EYA2: variants seen among roughly 807,000 people sequenced by gnomAD.
The protein encoded by EYA2 is EYA transcriptional coactivator and phosphatase 2, also known as protein phosphatase EYA2.
EYA2 carries 31 observed loss-of-function variants against 69.2 expected under a neutral mutation model. The observed-to-expected ratio is 0.45, with a 90% CI of 0.34 to 0.60. EYA2 has a LOEUF of 0.60. Among genes scored for constraint, EYA2 ranks in the 20% least tolerant of loss-of-function variants. The pLI is 0.02. For synonymous variants in EYA2, 257 were observed against 279.4 expected, an observed-to-expected ratio of 0.92 and a Z score of 0.80; for missense variants, 622 against 701.2, an observed-to-expected ratio of 0.89 and a Z score of 1.28.
chr20:47,042,448 A>G (rs769343996), intron 5 of EYA2, among the ~76,000 whole-genome samples: 7 of 152,210 alleles, frequency 4.6e-5, no homozygotes, highest in Non-Finnish European at 1.0e-4. Context: ...TGGTAGAAAG[A>G]GCCAAACTGG....
chr20:47,083,416 A>T (rs910619888), intron 7 of EYA2, among the ~76,000 whole-genome samples: 8 of 151,922 alleles, frequency 5.3e-5, no homozygotes, highest in Non-Finnish European at 7.4e-5. Context: ...GTCTCTACTA[A>T]ATATACAAAA....
intron 1 of EYA2, among the ~76,000 whole-genome samples, chr20:46,975,191 G>A (rs1166430473): frequency 2.0e-5 from 3 of 152,188 alleles, no homozygotes; most frequent in Non-Finnish European, 4.4e-5. Context: ...GTTACGCAGA[G>A]CTGCATGTGT....
At chr20:47,008,649 C>G (rs1361239285) in intron 4 of EYA2, among the ~76,000 whole-genome samples, 1 of 152,216 alleles carries the variant, frequency 6.6e-6, no homozygotes, top group African/African-American at 2.4e-5. Flanking sequence ...ATTTTACTGT[C>G]TCAGTTACTT....
rs140580503 is a variant in EYA2, at chr20:47,084,181, G to A, written c.662-5058G>A. On this transcript the variant is annotated intron_variant, in intron 7 of 15. Transcript: ENST00000327619. ...GAATCGCTTGAACCCAGGAGGCGGA[G>A]GTTGCAGGGAGCCAGAATTGCGCCA... Among the ~76,000 whole-genome samples, 1,272 of 152,240 alleles carry A rather than the reference G, an allele frequency of 8.4e-3. 13 individuals are homozygous for A. Among genetic ancestry groups the A allele is most frequent in the Non-Finnish European group, 0.012 (847 of 68,030 alleles).
chr20:47,149,226 C>G (rs1413629312), intron 10 of EYA2, among the ~76,000 whole-genome samples: 1 of 151,992 alleles, frequency 6.6e-6, no homozygotes. Context: ...AGCAAGGGGA[C>G]ATTTAGTTCG....
chr20:47,106,766 T>C (rs1405270865), intron 9 of EYA2, among the ~76,000 whole-genome samples: 1 of 152,066 alleles, frequency 6.6e-6, no homozygotes, highest in Non-Finnish European at 1.5e-5. Context: ...CTTCAGTTGT[T>C]GGAAGTCAGG....
intron 1 of EYA2, among the ~76,000 whole-genome samples, chr20:46,962,593 C>G (rs538617604): frequency 1.8e-4 from 27 of 152,176 alleles, no homozygotes; most frequent in South Asian, 4.1e-4. Context: ...TAATCCCTGA[C>G]AAAACCTGGT....
intron 1 of EYA2, among the ~76,000 whole-genome samples, chr20:46,936,388 T>A (rs1985910186): frequency 3.9e-5 from 6 of 152,148 alleles, no homozygotes; most frequent in African/African-American, 1.4e-4. Flanking sequence ...GGAAAATCGC[T>A]TGAACCCGGG....
At chr20:46,907,835 A>AAAAC (rs60032049) in intron 1 of EYA2, among the ~76,000 whole-genome samples, 56,773 of 150,316 alleles carry the variant, frequency 0.38, 11,269 homozygotes, top group Admixed American at 0.53. Context: ...ACTCCATCTG[A>AAAAC]AAACAAACAA....
chr20:47,003,778 C>T (rs1454027933), intron 3 of EYA2, among the ~76,000 whole-genome samples: 1 of 152,204 alleles, frequency 6.6e-6, no homozygotes, highest in Non-Finnish European at 1.5e-5. Context: ...AATCCTAGTC[C>T]TGTGAGGAAT....
At chr20:46,998,842 G>GT (rs1246741195) in intron 2 of EYA2, among the ~76,000 whole-genome samples, 2 of 152,204 alleles carry the variant, frequency 1.3e-5, no homozygotes, top group Non-Finnish European at 1.5e-5. Flanking sequence ...AAAAGCCTGT[G>GT]TTTTTTCAAA....
At chr20:47,057,145 GGAAGGAAGGA>G (rs1568750484) in intron 5 of EYA2, among the ~76,000 whole-genome samples, 1 of 111,678 alleles carries the variant, frequency 9.0e-6, no homozygotes, top group African/African-American at 3.4e-5. Context: ...GAGGGAGGAA[GGAAGGAAGGA>G]AGGAAGGAAG....
intron 7 of EYA2, among the ~76,000 whole-genome samples, chr20:47,080,190 T>A (rs2031660814): frequency 6.6e-6 from 1 of 152,094 alleles, no homozygotes; most frequent in South Asian, 2.1e-4. Flanking sequence ...AGAAAGATTT[T>A]TGGGAAGTTC....
chr20:47,010,866 C>A (rs1169470251), intron 4 of EYA2, among the ~76,000 whole-genome samples: 3 of 150,278 alleles, frequency 2.0e-5, no homozygotes, highest in African/African-American at 7.4e-5. Context: ...CGGCTCACTG[C>A]AACCTCTGCC....
At chr20:47,035,176 A>G (rs1984628120) in intron 5 of EYA2, among the ~76,000 whole-genome samples, 1 of 152,134 alleles carries the variant, frequency 6.6e-6, no homozygotes, top group Admixed American at 6.5e-5. Context: ...CCTGTCCCTG[A>G]GCTGGCTGGG....
At chr20:47,148,728 G>A (rs1453613812) in intron 10 of EYA2, among the ~76,000 whole-genome samples, 2 of 152,168 alleles carry the variant, frequency 1.3e-5, no homozygotes, top group South Asian at 2.1e-4. Context: ...AATGTCACCT[G>A]GGTCATGGGT....
chr20:47,015,223 C>T (rs186380094), intron 4 of EYA2, among the ~76,000 whole-genome samples: 1 of 152,202 alleles, frequency 6.6e-6, no homozygotes, highest in East Asian at 1.9e-4. Flanking sequence ...GCCTTTTGTA[C>T]TATTGGAATT....
intron 8 of EYA2, among the ~76,000 whole-genome samples, chr20:47,096,836 G>A (rs542121429): frequency 6.6e-6 from 1 of 152,274 alleles, no homozygotes; most frequent in East Asian, 1.9e-4. Context: ...TTATATGGAA[G>A]GCAAGGACAG....
intron 10 of EYA2, among the ~76,000 whole-genome samples, chr20:47,167,418 G>T (rs372647093): frequency 6.6e-6 from 1 of 151,398 alleles, no homozygotes; most frequent in Non-Finnish European, 1.5e-5. Flanking sequence ...AAGTAGCTGG[G>T]ACCACAGATG....
Sources: allele counts gnomAD v4.1 joint callset (sites outside exome capture counted in the v4.1 genomes callset), GRCh38; gene constraint gnomAD v4.1.1; transcripts MANE v1.5; gene names NCBI Gene and HGNC (gene_info 2026-07-23, HGNC 2026-07-21).